THUMPD2: variants seen among roughly 807,000 people sequenced by gnomAD.
THUMPD2 encodes the protein U6 snRNA (guanine-N(2))-methyltransferase THUMPD2.
In THUMPD2, 56 loss-of-function variants were observed where a neutral mutation model predicts 49.4. That is an observed-to-expected ratio of 1.13 (90% CI 0.91 to 1.41). The LOEUF (loss-of-function observed/expected upper bound fraction) is 1.41. THUMPD2 is among the 40% of genes most tolerant of loss of function. THUMPD2 has a pLI of 0.00. For synonymous variants in THUMPD2, 237 were observed against 205.2 expected (o/e 1.15, Z -1.32); for missense variants, 709 against 594.5 (o/e 1.19, Z -2.00).
At chr2:39,770,184 C>G in intron 2 of THUMPD2, 65 bp from the exon 3 acceptor site, 1 of 1,126,550 alleles carries the variant, frequency 8.9e-7, no homozygotes, top group African/African-American at 1.6e-5. Context: ...ACAATCATCA[C>G]CCTCAAACTC....
rs760928207 is a variant in THUMPD2, at chr2:39,736,886, G to A, written c.1361C>T (p.Ala454Val). The change falls in exon 10 of 10, where the codon GCG becomes GTG. Residue 454 changes from alanine to valine, a missense_variant. By Grantham distance (64) the Ala-to-Val change is moderately conservative. Coordinates refer to ENST00000505747, the MANE Select transcript of THUMPD2 (RefSeq NM_025264.5). ...GTTACTGGCTTCGAATGAAGTTGAC[G>A]CTGTCTTGAATGCACCAGTTTTTTC... ...PEEKTGAFKT[A>V]STSFEASNHK... 1.4e-5 allele frequency: 22 copies of A among 1,614,026 alleles called. No homozygotes were observed. The highest frequency in any genetic ancestry group is 9.3e-5 in the African/African-American group (7 of 74,904).
At position 39,769,925 on chromosome 2, in the gene THUMPD2, G is replaced by C. The variant is rs763280636; in HGVS notation, c.457C>G (p.Gln153Glu). Residue 153 changes from glutamine (Q) to glutamate (E), a missense_variant, in exon 3 of 10, where the codon CAA (glutamine) becomes GAA (glutamate). Gln to Glu is a conservative substitution (Grantham distance 29, BLOSUM62 2). Coordinates refer to ENST00000505747, the MANE Select transcript of THUMPD2 (RefSeq NM_025264.5). ...IAKKLKIEQM[Q>E]KIEENRDCQL... ...CAGTCCCTATTCTCTTCTATCTTTTGCATTTGTTCTATTTTTAATTTCTTT... is the reference window on the plus strand; with the variant it reads ...CAGTCCCTATTCTCTTCTATCTTTTCCATTTGTTCTATTTTTAATTTCTTT... The C allele has an allele frequency of 3.8e-6, 6 of 1,575,292 alleles. No homozygotes were observed. The highest frequency in any genetic ancestry group is 5.1e-6 in the Non-Finnish European group (6 of 1,168,358).
chr2:39,739,871 T>C (rs1673673590), intron 9 of THUMPD2, among the ~76,000 whole-genome samples: 1 of 152,172 alleles, frequency 6.6e-6, no homozygotes, highest in South Asian at 2.1e-4. Context: ...CTGAAGTAAC[T>C]TTTTGGGGCA....
intron 6 of THUMPD2, among the ~76,000 whole-genome samples, chr2:39,756,935 A>G (rs1438061877): frequency 7.2e-6 from 1 of 139,200 alleles, no homozygotes; most frequent in African/African-American, 2.7e-5. Flanking sequence ...TAATAATAAT[A>G]ATAAATGGTA....
chr2:39,737,472 C>T (rs1673251887), intron 9 of THUMPD2, among the ~76,000 whole-genome samples: 1 of 152,208 alleles, frequency 6.6e-6, no homozygotes, highest in Non-Finnish European at 1.5e-5. Flanking sequence ...AAGGGCAGAT[C>T]TTGAAATGTC....
At chr2:39,765,142 G>A (rs188959175) in intron 5 of THUMPD2, among the ~76,000 whole-genome samples, 10 of 151,910 alleles carry the variant, frequency 6.6e-5, no homozygotes, top group African/African-American at 2.2e-4. Context: ...GCACTGCTAC[G>A]GGTGAGATAC....
chr2:39,755,918 T>C lies in THUMPD2; in HGVS notation c.934A>G (p.Ile312Val), dbSNP rs202183716. The change falls in exon 7 of 10, where the codon ATA becomes GTA. Residue 312 changes from isoleucine (I) to valine (V), a missense_variant. Transcript: ENST00000505747. ...CATTCTTTAGCAGCTTCCAAAAGTA[T>C]TGTTCCAAGTCCACACATTGGATCT... The part of the protein sequence containing the change: ...VLDPMCGLGT[I>V]LLEAAKEWPD... 2.5e-6 allele frequency: 4 copies of C among 1,613,812 alleles called. No individual in the cohort carries two copies. Among genetic ancestry groups the C allele is most frequent in the Admixed American group, 1.7e-5 (1 of 59,972 alleles).
chr2:39,769,774 T>A lies in THUMPD2; in HGVS notation c.608A>T (p.Asn203Ile), dbSNP rs758556217. 6.3e-7 allele frequency: 1 copy of A among 1,599,324 alleles called. No homozygotes were observed. Among genetic ancestry groups the A allele is most frequent in the South Asian group, 1.1e-5 (1 of 87,544 alleles). Reference sequence around the variant, plus strand: ...ACAAGATACTCTGAAAGTCAAGTCATTCTGATTATGAGTATCAATTGCTTT... The same window carrying A: ...ACAAGATACTCTGAAAGTCAAGTCAATCTGATTATGAGTATCAATTGCTTT... ...IEKAIDTHNQ[N>I]DLTFRVSCRC... Residue 203 changes from asparagine (N) to isoleucine (I), a missense_variant, in exon 3 of 10, where the codon AAT (asparagine) becomes ATT (isoleucine). Transcript: ENST00000505747.
chr2:39,770,244 A>G, intron 2 of THUMPD2, 125 bp from the exon 3 acceptor site: 1 of 637,402 alleles, frequency 1.6e-6, no homozygotes. Context: ...CTACACGAAT[A>G]ACTTCACTTT....
chr2:39,736,655 A>T lies in THUMPD2; in HGVS notation c.*80T>A. On this transcript the variant is annotated 3_prime_UTR_variant, in exon 10 of 10. Transcript: ENST00000505747. ...GGTTACTTGGAGCTCTGTGGGTGCT[A>T]TATGAATCCTAGAGACAGCAAACTT... is the stretch of plus-strand genomic sequence containing the variant. 7.6e-7 allele frequency: 1 copy of T among 1,313,656 alleles called. No individual in the cohort carries two copies. The allele number at this position is 1,313,656 out of a possible 1,614,324, so 81.4% of individuals were successfully genotyped here.
chr2:39,740,383 T>C (rs1673739837), intron 9 of THUMPD2, among the ~76,000 whole-genome samples: 2 of 152,162 alleles, frequency 1.3e-5, no homozygotes. Context: ...AAAAAAGCAA[T>C]GCTACAGTAC....
At chr2:39,756,398 G>C (rs1019824849) in intron 6 of THUMPD2, among the ~76,000 whole-genome samples, 8 of 151,866 alleles carry the variant, frequency 5.3e-5, no homozygotes, top group South Asian at 2.1e-4. Context: ...GCGTGAACCT[G>C]GGAGGCAGAG....
Position 39,767,713 on chromosome 2 carries a change from T to C in THUMPD2, c.750+711A>G, listed in dbSNP as rs148958676. On this transcript the variant is annotated intron_variant, in intron 4 of 9. Coordinates refer to ENST00000505747, the MANE Select transcript of THUMPD2 (RefSeq NM_025264.5). ...TTAGTATGACAAACAATAAAAAATATATACCAGGTATTATTTTTTTAAAGT... is the reference window on the plus strand; with the variant it reads ...TTAGTATGACAAACAATAAAAAATACATACCAGGTATTATTTTTTTAAAGT... Among the ~76,000 whole-genome samples, 806 of 150,530 alleles carry C rather than the reference T, an allele frequency of 5.4e-3. 10 individuals are homozygous for C. Among genetic ancestry groups the C allele is most frequent in the African/African-American group, 0.017 (708 of 40,734 alleles).
chr2:39,746,473 A>T (rs561363318), intron 8 of THUMPD2, among the ~76,000 whole-genome samples: 1 of 152,320 alleles, frequency 6.6e-6, no homozygotes, highest in East Asian at 1.9e-4. Context: ...GACCGATACG[A>T]TTCAACATAC....
At chr2:39,738,255 C>T (rs1673399367) in intron 9 of THUMPD2, among the ~76,000 whole-genome samples, 1 of 152,152 alleles carries the variant, frequency 6.6e-6, no homozygotes, top group South Asian at 2.1e-4. Flanking sequence ...AAGAAAGAAA[C>T]AGTTTCAACA....
chr2:39,773,430 G>A (rs1182625744), intron 1 of THUMPD2, among the ~76,000 whole-genome samples: 1 of 151,132 alleles, frequency 6.6e-6, no homozygotes, highest in Non-Finnish European at 1.5e-5. Flanking sequence ...AGTAGCCAGT[G>A]ATCTAGATAT....
intron 5 of THUMPD2, among the ~76,000 whole-genome samples, chr2:39,764,151 C>G (rs949423980): frequency 1.1e-4 from 17 of 152,174 alleles, no homozygotes; most frequent in African/African-American, 4.1e-4. Context: ...GTTAGTTTCT[C>G]TTTCCTAACT....
intron 8 of THUMPD2, among the ~76,000 whole-genome samples, chr2:39,747,228 T>C (rs1297824200): frequency 6.6e-6 from 1 of 152,208 alleles, no homozygotes; most frequent in Non-Finnish European, 1.5e-5. Flanking sequence ...TATTCTATTT[T>C]CAAATGCTCT....
chr2:39,746,577 A>G (rs1674623754), intron 8 of THUMPD2, among the ~76,000 whole-genome samples: 1 of 152,224 alleles, frequency 6.6e-6, no homozygotes, highest in South Asian at 2.1e-4. Context: ...AAATAGAAAC[A>G]TAGCTCAAAA....
Sources: allele counts gnomAD v4.1 joint callset (sites outside exome capture counted in the v4.1 genomes callset), GRCh38; gene constraint gnomAD v4.1.1; transcripts MANE v1.5; gene names NCBI Gene and HGNC (gene_info 2026-07-23, HGNC 2026-07-21).